The following MSRB3 variants were observed in gnomAD, a reference collection of about 807,000 sequenced individuals.
MSRB3 encodes the protein methionine sulfoxide reductase B3.
Under a neutral mutation model 21.0 loss-of-function variants are expected in MSRB3, and 13 were observed. The observed-to-expected ratio is 0.62, with a 90% confidence interval of 0.40 to 0.98. The LOEUF (loss-of-function observed/expected upper bound fraction) is 0.98, where lower values mean the gene tolerates loss of function less well. Among genes scored for constraint, MSRB3 ranks in the 50% least tolerant of loss-of-function variants. The probability of loss-of-function intolerance (pLI) is 0.00; values close to 1 mark genes in which losing one functional copy is unlikely to be tolerated. For missense variants in MSRB3, 199 were observed against 230.3 expected, an observed-to-expected ratio of 0.86 and a Z score of 0.88; for synonymous variants, 87 against 88.6, an observed-to-expected ratio of 0.98 and a Z score of 0.10.
chr12:65,310,682 T>C (rs1873934127), intron 2 of MSRB3, among the ~76,000 whole-genome samples: 2 of 152,220 alleles, frequency 1.3e-5, no homozygotes. Flanking sequence ...CATAATGAGA[T>C]TGTTTAACTG....
At chr12:65,454,257 T>C in intron 6 of MSRB3, 1 of 276,614 alleles carries the variant, frequency 3.6e-6, no homozygotes, top group Non-Finnish European at 6.9e-6. Flanking sequence ...CACTGTAGTC[T>C]AGCCTGGGAG....
In MSRB3 at chr12:65,373,953, GA is replaced by G. The variant is rs1476239801; in HGVS notation, c.292+4932del. Among the ~76,000 whole-genome samples the G allele has an allele frequency of 6.6e-5, 10 of 152,252 alleles. No individual in the cohort carries two copies. The East Asian group carries it at 1.9e-3, about 29-fold the overall frequency. On this transcript the variant is annotated intron_variant, in intron 5 of 6. Transcript: ENST00000308259. ...CTTGAGGCAAAAACATAAGGGCAGG[GA>G]AAAATAGAGTGGGGCTGTTAAGGTA...
At chr12:65,282,646 A>G (rs1872098894) in intron 1 of MSRB3, among the ~76,000 whole-genome samples, 1 of 150,398 alleles carries the variant, frequency 6.6e-6, no homozygotes, top group Non-Finnish European at 1.5e-5. Flanking sequence ...CCCTGTCTCT[A>G]GTTTGCTTCA....
At chr12:65,318,403 G>A (rs955252207) in intron 2 of MSRB3, among the ~76,000 whole-genome samples, 8 of 152,102 alleles carry the variant, frequency 5.3e-5, no homozygotes, top group African/African-American at 1.9e-4. Context: ...CTAGCAGTCG[G>A]TGCTCCCAAG....
chr12:65,354,181 G>T (rs923924325), intron 4 of MSRB3, among the ~76,000 whole-genome samples: 7 of 151,840 alleles, frequency 4.6e-5, no homozygotes, highest in Non-Finnish European at 1.0e-4. Context: ...TTTCAACTTT[G>T]GTGAATCTGA....
chr12:65,398,409 T>C (rs1879934030), intron 5 of MSRB3, among the ~76,000 whole-genome samples: 1 of 152,240 alleles, frequency 6.6e-6, no homozygotes, highest in African/African-American at 2.4e-5. Context: ...AAATGTCTTC[T>C]TTTGTGAAAT....
At chr12:65,462,925 C>A (rs1883393631) in intron 6 of MSRB3, among the ~76,000 whole-genome samples, 1 of 152,192 alleles carries the variant, frequency 6.6e-6, no homozygotes, top group Admixed American at 6.5e-5. Context: ...ATACGTGGCT[C>A]CTAAATGATT....
intron 2 of MSRB3, among the ~76,000 whole-genome samples, chr12:65,311,352 A>G (rs1873973532): frequency 1.3e-5 from 2 of 152,150 alleles, no homozygotes; most frequent in Admixed American, 6.5e-5. Context: ...ATAGTATTCC[A>G]TAATTTCTCG....
At chr12:65,424,480 G>A (rs560529316) in intron 5 of MSRB3, among the ~76,000 whole-genome samples, 16 of 152,172 alleles carry the variant, frequency 1.1e-4, no homozygotes, top group African/African-American at 3.1e-4. Context: ...TGATTTTGCT[G>A]CATCCGATAA....
intron 5 of MSRB3, among the ~76,000 whole-genome samples, chr12:65,422,291 A>T (rs1191415898): frequency 6.6e-6 from 1 of 151,374 alleles, no homozygotes; most frequent in African/African-American, 2.4e-5. Flanking sequence ...AGACTTCAGC[A>T]CTTCATTGCC....
At chr12:65,375,152 A>G (rs1393472140) in intron 5 of MSRB3, among the ~76,000 whole-genome samples, 4 of 152,004 alleles carry the variant, frequency 2.6e-5, no homozygotes, top group East Asian at 1.9e-4. Context: ...GCCTATATCA[A>G]TCTTTCTTGA....
intron 4 of MSRB3, among the ~76,000 whole-genome samples, chr12:65,362,251 G>A (rs1877752434): frequency 6.6e-6 from 1 of 152,050 alleles, no homozygotes; most frequent in Non-Finnish European, 1.5e-5. Flanking sequence ...ATCCTTATGT[G>A]GTATTTTCAA....
intron 4 of MSRB3, among the ~76,000 whole-genome samples, chr12:65,355,610 G>A (rs1052422191): frequency 3.3e-5 from 5 of 151,508 alleles, no homozygotes; most frequent in Admixed American, 2.0e-4. Flanking sequence ...GCTTTATGCC[G>A]CTGGAGATTT....
chr12:65,339,217 G>T (rs368472741), intron 4 of MSRB3, among the ~76,000 whole-genome samples: 9 of 152,274 alleles, frequency 5.9e-5, no homozygotes, highest in East Asian at 5.8e-4. Flanking sequence ...TTGTTGCGGG[G>T]AGCTGCCCTA....
intron 2 of MSRB3, among the ~76,000 whole-genome samples, chr12:65,309,859 T>A (rs1352633023): frequency 1.3e-5 from 2 of 152,108 alleles, no homozygotes; most frequent in African/African-American, 2.4e-5. Flanking sequence ...TATGGCTGGT[T>A]TGGATGTGCA....
intron 5 of MSRB3, among the ~76,000 whole-genome samples, chr12:65,415,535 G>A (rs536084901): frequency 6.6e-6 from 1 of 152,008 alleles, no homozygotes; most frequent in African/African-American, 2.4e-5. Context: ...TAGGTCCTGA[G>A]GCACAAGATT....
chr12:65,399,440 G>T (rs1487942286), intron 5 of MSRB3, among the ~76,000 whole-genome samples: 1 of 152,114 alleles, frequency 6.6e-6, no homozygotes, highest in Non-Finnish European at 1.5e-5. Flanking sequence ...TGTGATTTTT[G>T]CACATTGATT....
At chr12:65,405,070 C>A (rs1342153823) in intron 5 of MSRB3, among the ~76,000 whole-genome samples, 1 of 151,980 alleles carries the variant, frequency 6.6e-6, no homozygotes, top group African/African-American at 2.4e-5. Context: ...CCTGCTTCAG[C>A]CTCCCAAGTC....
At chr12:65,422,528 C>T (rs1446404919) in intron 5 of MSRB3, among the ~76,000 whole-genome samples, 2 of 149,230 alleles carry the variant, frequency 1.3e-5, no homozygotes, top group African/African-American at 4.9e-5. Context: ...TCACCTCATG[C>T]ATTTATCCTT....
Sources: gnomAD v4.1 joint callset for allele counts (sites outside exome capture counted in the v4.1 genomes callset) on GRCh38, gnomAD v4.1.1 for gene constraint, MANE v1.5 for transcripts, NCBI Gene and HGNC (gene_info 2026-07-23, HGNC 2026-07-21) for gene names.